The following ABCC3 variants were observed in gnomAD, a reference collection of about 807,000 sequenced individuals.
The protein encoded by ABCC3 is ATP binding cassette subfamily C member 3.
ABCC3 carries 121 observed loss-of-function variants against 165.3 expected under a neutral mutation model. That is an observed-to-expected ratio of 0.73 (90% CI 0.63 to 0.85). The LOEUF (loss-of-function observed/expected upper bound fraction) is 0.85. Among genes scored for constraint, ABCC3 ranks in the 40% least tolerant of loss-of-function variants. The pLI is 0.00. For synonymous variants in ABCC3, 733 were observed against 810.1 expected (o/e 0.90, Z 1.62); for missense variants, 1,869 against 1,964.1 (o/e 0.95, Z 0.92).
chr17:50,674,191 C>G (rs1298299311), intron 19 of ABCC3: 1 of 151,686 alleles, frequency 6.6e-6, no homozygotes, highest in Non-Finnish European at 1.5e-5. Context: ...CTCAGGCTCC[C>G]GAGTAGCTGG....
intron 1 of ABCC3, among the ~76,000 whole-genome samples, chr17:50,647,576 G>A (rs1014900674): frequency 1.3e-5 from 2 of 152,204 alleles, no homozygotes; most frequent in African/African-American, 4.8e-5. Flanking sequence ...GTCTGAACTT[G>A]GGAGCTAGGG....
chr17:50,659,263 C>A lies in ABCC3; in HGVS notation c.701C>A (p.Pro234His). ...ATGGCCATCTATGGCTACCGGCATC[C>A]CCTGGAGGAGAAGGACCTCTGGTCC... ...TKMAIYGYRHPLEEKDLWSLK... is the reference protein window; with the variant it reads ...TKMAIYGYRHHLEEKDLWSLK... The change falls in exon 7 of 31, where the codon CCC becomes CAC. Residue 234 changes from proline to histidine, a missense_variant. By Grantham distance (77) the Pro-to-His change is moderately conservative. Transcript: ENST00000285238. 1 of 1,613,902 alleles carries A rather than the reference C, an allele frequency of 6.2e-7. No individual in the cohort carries two copies. The highest frequency in any genetic ancestry group is 8.5e-7 in the Non-Finnish European group (1 of 1,179,872).
At chr17:50,670,525 T>C (rs1359013703) in intron 17 of ABCC3, among the ~76,000 whole-genome samples, 2 of 152,232 alleles carry the variant, frequency 1.3e-5, no homozygotes, top group Non-Finnish European at 2.9e-5. Context: ...AATGCCGGGC[T>C]AATATCTCTA....
chr17:50,675,901 T>G lies in ABCC3; in HGVS notation c.2878T>G (p.Trp960Gly). 1 of 1,614,160 alleles carries G rather than the reference T, an allele frequency of 6.2e-7. No homozygotes were observed. The highest frequency in any genetic ancestry group is 1.7e-4 in the Middle Eastern group (1 of 6,036). The stretch of plus-strand genomic sequence containing the variant: ...CCTACAGGTGGAGCTCAGTGTGTTC[T>G]GGGATTATGCCAAGGCCGTGGGGCT... Reference protein sequence around the residue: ...AIGTVELSVFWDYAKAVGLCT... With the variant: ...AIGTVELSVFGDYAKAVGLCT... Residue 960 changes from tryptophan to glycine, a missense_variant, in exon 22 of 31, where the codon TGG (tryptophan) becomes GGG (glycine). Trp to Gly is a radical substitution (Grantham distance 184). Transcript: ENST00000285238.
intron 26 of ABCC3, among the ~76,000 whole-genome samples, chr17:50,680,846 G>A (rs1027658046): frequency 6.6e-6 from 1 of 152,134 alleles, no homozygotes; most frequent in Admixed American, 6.5e-5. Flanking sequence ...AGGCCAAGGT[G>A]GGTGGATCTC....
chr17:50,661,476 G>A (rs1045709803), intron 8 of ABCC3, among the ~76,000 whole-genome samples: 2 of 152,210 alleles, frequency 1.3e-5, no homozygotes, highest in African/African-American at 4.8e-5. Flanking sequence ...AGCAAAGAAG[G>A]AATCAGGTCT....
chr17:50,658,828 C>T (rs534599754), intron 6 of ABCC3, among the ~76,000 whole-genome samples: 48 of 152,336 alleles, frequency 3.2e-4, no homozygotes, highest in African/African-American at 7.5e-4. Context: ...TCCTTGGCTG[C>T]GCCTCAGAGC....
chr17:50,683,961 G>A lies in ABCC3; in HGVS notation c.3967G>A (p.Gly1323Ser), dbSNP rs1967973798. The change falls in exon 28 of 31, where the codon GGC becomes AGC. Residue 1323 changes from glycine to serine, a missense_variant. Transcript: ENST00000285238. ...VHGGEKVGIV[G>S]RTGAGKSSMT... ...CTTCTCCGCCCAGGTGGGGATCGTG[G>A]GCCGCACTGGGGCTGGCAAGTCTTC... 6.2e-7 allele frequency: 1 copy of A among 1,613,000 alleles called. No homozygotes were observed. The highest frequency in any genetic ancestry group is 8.5e-7 in the Non-Finnish European group (1 of 1,179,594).
At chr17:50,688,900 C>A (rs1322953972) in intron 30 of ABCC3, among the ~76,000 whole-genome samples, 1 of 129,696 alleles carries the variant, frequency 7.7e-6, no homozygotes, top group African/African-American at 3.0e-5. Flanking sequence ...GAGACGTTGT[C>A]TCAAAAAAAA....
chr17:50,636,405 C>T (rs1185285496), intron 1 of ABCC3, among the ~76,000 whole-genome samples: 1 of 152,078 alleles, frequency 6.6e-6, no homozygotes, highest in Non-Finnish European at 1.5e-5. Flanking sequence ...ATTTGGGATT[C>T]TCTCTTTTTC....
chr17:50,653,940 C>T (rs935496776), intron 1 of ABCC3, among the ~76,000 whole-genome samples: 4 of 152,134 alleles, frequency 2.6e-5, no homozygotes, highest in Non-Finnish European at 5.9e-5. Context: ...AGCTCAGTTG[C>T]AATGATTGGC....
At chr17:50,671,181 A>C (rs1312157036) in intron 17 of ABCC3, among the ~76,000 whole-genome samples, 3 of 151,964 alleles carry the variant, frequency 2.0e-5, no homozygotes, top group Non-Finnish European at 4.4e-5. Flanking sequence ...GCGTAAGCCC[A>C]GGAGGCGGAG....
intron 23 of ABCC3, among the ~76,000 whole-genome samples, chr17:50,676,923 C>T (rs993635803): frequency 1.3e-5 from 2 of 150,740 alleles, no homozygotes; most frequent in Non-Finnish European, 2.9e-5. Context: ...CTCGCTCTGT[C>T]GCTCAGGCTG....
intron 1 of ABCC3, among the ~76,000 whole-genome samples, chr17:50,641,382 A>C (rs1464319171): frequency 1.3e-5 from 2 of 152,098 alleles, no homozygotes; most frequent in African/African-American, 4.8e-5. Flanking sequence ...AGGGATCGTC[A>C]TCCTGCCCTG....
chr17:50,674,782 G>C (rs1158178380), intron 19 of ABCC3, among the ~76,000 whole-genome samples: 1 of 150,212 alleles, frequency 6.7e-6, no homozygotes, highest in Non-Finnish European at 1.5e-5. Flanking sequence ...TTTCTTTTAA[G>C]CCTACAGTCA....
chr17:50,678,652 G>C (rs573917464), intron 25 of ABCC3, among the ~76,000 whole-genome samples: 1 of 152,338 alleles, frequency 6.6e-6, no homozygotes, highest in East Asian at 1.9e-4. Flanking sequence ...ACTGGGTGCA[G>C]TGGCTCACAC....
chr17:50,684,581 C>A, intron 28 of ABCC3, 128 bp from the exon 29 acceptor site: 1 of 1,026,046 alleles, frequency 9.7e-7, no homozygotes, highest in Non-Finnish European at 1.4e-6. Flanking sequence ...GCCATTGTGT[C>A]CTCTGGGGAG....
intron 29 of ABCC3, among the ~76,000 whole-genome samples, chr17:50,686,215 G>C (rs1159453461): frequency 6.6e-6 from 1 of 152,182 alleles, no homozygotes; most frequent in Non-Finnish European, 1.5e-5. Context: ...CTTTACATTT[G>C]CCCAGCACTT....
intron 1 of ABCC3, among the ~76,000 whole-genome samples, chr17:50,639,790 G>C (rs896614546): frequency 2.0e-5 from 3 of 150,064 alleles, no homozygotes; most frequent in African/African-American, 7.4e-5. Context: ...TTGTGACAGA[G>C]TCTTGCTCTG....
Sources: gnomAD v4.1 joint callset for allele counts (sites outside exome capture counted in the v4.1 genomes callset) on GRCh38, gnomAD v4.1.1 for gene constraint, MANE v1.5 for transcripts, NCBI Gene and HGNC (gene_info 2026-07-23, HGNC 2026-07-21) for gene names.